DYM: variants seen among roughly 807,000 people sequenced by gnomAD.
DYM encodes dyggve-Melchior-Clausen syndrome protein.
In DYM, 78 loss-of-function variants were observed where a neutral mutation model predicts 93.1. The observed-to-expected ratio is 0.84, with a 90% CI of 0.70 to 1.01. DYM has a LOEUF of 1.01. Among genes scored for constraint, DYM ranks in the 50% least tolerant of loss-of-function variants. DYM has a pLI of 0.00. For missense variants in DYM, 789 were observed against 845.0 expected (o/e 0.93, Z 0.82); for synonymous variants, 321 against 319.7 (o/e 1.00, Z -0.04).
intron 14 of DYM, among the ~76,000 whole-genome samples, chr18:49,192,095 A>ATTT (rs55967928): frequency 8.2e-4 from 56 of 68,328 alleles, no homozygotes; most frequent in African/African-American, 1.1e-3. Context: ...TGCCTGGCTA[A>ATTT]TTTTTTTTTT....
At chr18:49,098,160 C>T (rs529440335) in intron 16 of DYM, among the ~76,000 whole-genome samples, 221 of 152,184 alleles carry the variant, frequency 1.5e-3, no homozygotes, top group Non-Finnish European at 2.9e-3. Flanking sequence ...CATCATTTTT[C>T]AGCAAATTAT....
chr18:49,264,415 C>G (rs531627331), intron 11 of DYM, among the ~76,000 whole-genome samples: 3 of 152,204 alleles, frequency 2.0e-5, no homozygotes, highest in African/African-American at 7.2e-5. Context: ...AATTTATACT[C>G]CCACTACCAG....
chr18:49,049,531 T>C (rs2072102802), intron 17 of DYM, among the ~76,000 whole-genome samples: 1 of 152,160 alleles, frequency 6.6e-6, no homozygotes, highest in Non-Finnish European at 1.5e-5. Flanking sequence ...TAACCATCCT[T>C]CCTACTTCAC....
chr18:49,239,943 G>A (rs1481215117), intron 13 of DYM, among the ~76,000 whole-genome samples: 2 of 152,148 alleles, frequency 1.3e-5, no homozygotes, highest in Non-Finnish European at 2.9e-5. Flanking sequence ...AAACTTAAAA[G>A]GCAATTTAGT....
rs574028616 is a variant in DYM, at chr18:49,041,612, A to G, written c.*2443T>C. 1 of 152,342 alleles carries G rather than the reference A, an allele frequency of 6.6e-6. No individual in the cohort carries two copies. Among genetic ancestry groups the G allele is most frequent in the South Asian group, 2.1e-4 (1 of 4,830 alleles). 9.4% of individuals were successfully genotyped at this position (152,342 alleles called of 1,614,324 possible). On this transcript the variant is annotated 3_prime_UTR_variant, in exon 18 of 18. Transcript: ENST00000675505. ...CTCCTGAGCGGGAACCAGGACTGGG[A>G]GCATCACTTGCAGGCCTCCATGGAG... is the stretch of plus-strand genomic sequence containing the variant.
intron 13 of DYM, among the ~76,000 whole-genome samples, chr18:49,232,810 C>A (rs2093744630): frequency 6.6e-6 from 1 of 151,468 alleles, no homozygotes; most frequent in Admixed American, 6.6e-5. Flanking sequence ...GGTTTCACCA[C>A]GTTGGCTAGG....
intron 16 of DYM, among the ~76,000 whole-genome samples, chr18:49,100,821 G>A (rs2080061378): frequency 6.6e-6 from 1 of 152,182 alleles, no homozygotes; most frequent in South Asian, 2.1e-4. Flanking sequence ...GACTGGGGTG[G>A]CCCAGGCAAG....
At chr18:49,292,592 G>GAGA in intron 8 of DYM, among the ~76,000 whole-genome samples, 2 of 78,788 alleles carry the variant, frequency 2.5e-5, no homozygotes, top group Admixed American at 1.7e-4. Flanking sequence ...TTTCCTGTTG[G>GAGA]AAAAAAAAAA....
At chr18:49,215,482 T>G (rs2092989971) in intron 13 of DYM, among the ~76,000 whole-genome samples, 1 of 152,218 alleles carries the variant, frequency 6.6e-6, no homozygotes, top group African/African-American at 2.4e-5. Flanking sequence ...ATAGACAATA[T>G]ATCCCCTTAT....
In DYM at chr18:49,138,843, G is replaced by A. The variant is rs531070861; in HGVS notation, c.1729-19917C>T. ...GAATACAGAAGTACAGGAAGTGTCC[G>A]ATTTAAGTCTTCATGTTATAATACT... On this transcript the variant is annotated intron_variant, in intron 15 of 17. Transcript: ENST00000675505. 3.3e-5 allele frequency among the ~76,000 whole-genome samples: 5 copies of A among 152,202 alleles called. No individual in the cohort carries two copies. The South Asian group carries it at 8.3e-4, about 25-fold the overall frequency.
intron 8 of DYM, chr18:49,321,188 C>T: frequency 2.6e-6 from 1 of 390,838 alleles, no homozygotes; most frequent in Non-Finnish European, 4.5e-6. Flanking sequence ...CTACAATTTA[C>T]AACTCAGTCT....
intron 13 of DYM, among the ~76,000 whole-genome samples, chr18:49,233,249 C>T (rs1181216881): frequency 6.6e-6 from 1 of 151,654 alleles, no homozygotes; most frequent in African/African-American, 2.4e-5. Flanking sequence ...ATCCCAGCTA[C>T]CCGGGAGGCT....
At chr18:49,157,565 T>C (rs976006573) in intron 15 of DYM, among the ~76,000 whole-genome samples, 2 of 152,182 alleles carry the variant, frequency 1.3e-5, no homozygotes, top group Non-Finnish European at 2.9e-5. Flanking sequence ...GCCACACAGG[T>C]CACAAGCCAC....
At chr18:49,067,289 A>G (rs60066047) in intron 17 of DYM, among the ~76,000 whole-genome samples, 1 of 4,988 alleles carries the variant, frequency 2.0e-4, no homozygotes, top group Non-Finnish European at 4.2e-4. Context: ...GGGTGATGTG[A>G]GCACTATGGA....
At chr18:49,232,994 C>T (rs1286895298) in intron 13 of DYM, among the ~76,000 whole-genome samples, 1 of 152,102 alleles carries the variant, frequency 6.6e-6, no homozygotes, top group African/African-American at 2.4e-5. Flanking sequence ...AATTAAAGAT[C>T]CATATAATAC....
intron 2 of DYM, among the ~76,000 whole-genome samples, chr18:49,422,265 G>A (rs1055858729): frequency 1.3e-5 from 2 of 152,172 alleles, no homozygotes; most frequent in African/African-American, 4.8e-5. Context: ...GAAAGGTTGG[G>A]TTACCCACAA....
chr18:49,338,218 C>T (rs971184077), intron 6 of DYM, among the ~76,000 whole-genome samples: 1 of 152,068 alleles, frequency 6.6e-6, no homozygotes, highest in African/African-American at 2.4e-5. Flanking sequence ...TGCAAGACTG[C>T]CAGAATAACT....
intron 6 of DYM, among the ~76,000 whole-genome samples, chr18:49,350,034 T>A (rs1267122683): frequency 6.6e-6 from 1 of 152,214 alleles, no homozygotes; most frequent in Non-Finnish European, 1.5e-5. Flanking sequence ...TTTGCAAGGC[T>A]CTACTAGAGG....
chr18:49,159,871 CAA>C (rs1432232731), intron 15 of DYM, among the ~76,000 whole-genome samples: 3 of 152,160 alleles, frequency 2.0e-5, no homozygotes, highest in Non-Finnish European at 2.9e-5. Flanking sequence ...GGTACAGTAA[CAA>C]TATTCCTCAT....
Sources: allele counts gnomAD v4.1 joint callset (sites outside exome capture counted in the v4.1 genomes callset), GRCh38; gene constraint gnomAD v4.1.1; transcripts MANE v1.5; gene names NCBI Gene and HGNC (gene_info 2026-07-23, HGNC 2026-07-21).